The following KLHL22 variants were observed in gnomAD, a reference collection of about 807,000 sequenced individuals.
KLHL22 encodes kelch-like protein 22.
Under a neutral mutation model 60.7 loss-of-function variants are expected in KLHL22, and 18 were observed. That is an observed-to-expected ratio of 0.30 (90% CI 0.20 to 0.44). The LOEUF (loss-of-function observed/expected upper bound fraction) is 0.44, where lower values mean the gene tolerates loss of function less well. Among genes scored for constraint, KLHL22 ranks in the 20% least tolerant of loss-of-function variants. The probability of loss-of-function intolerance (pLI) is 1.00; values close to 1 mark genes in which losing one functional copy is unlikely to be tolerated. For missense variants in KLHL22, 596 were observed against 852.3 expected, an observed-to-expected ratio of 0.70 and a Z score of 3.74; for synonymous variants, 355 against 354.5, an observed-to-expected ratio of 1.00 and a Z score of -0.01.
At chr22:20,458,308 G>A (rs973748863) in intron 4 of KLHL22, among the ~76,000 whole-genome samples, 3 of 136,194 alleles carry the variant, frequency 2.2e-5, no homozygotes, top group Non-Finnish European at 4.6e-5. Flanking sequence ...TGTGGAGAGA[G>A]GTCTCTCTGT....
chr22:20,443,842 G>A (rs2052809287), intron 6 of KLHL22, among the ~76,000 whole-genome samples: 1 of 152,106 alleles, frequency 6.6e-6, no homozygotes. Context: ...GAGGTCAGGA[G>A]TTTGAGACCA....
intron 1 of KLHL22, chr22:20,489,835 AG>A (rs1350705479): frequency 2.1e-6 from 1 of 470,630 alleles, no homozygotes; most frequent in South Asian, 1.6e-5. Context: ...TGGCATTTCC[AG>A]GGCCTACTTT....
rs189052157 is a variant in KLHL22, at chr22:20,476,777, C to T, written c.228-5262G>A. On this transcript the variant is annotated intron_variant, in intron 2 of 6. Transcript: ENST00000328879. ...AGGCTGGAGTGCAATGGCGCAATCT[C>T]GGCTCACTGCAACCTCCGCCTACCA... Among the ~76,000 whole-genome samples, 686 of 147,914 alleles carry T rather than the reference C, an allele frequency of 4.6e-3. 4 individuals carry two copies. Among genetic ancestry groups the T allele is most frequent in the African/African-American group, 0.016 (643 of 39,858 alleles).
chr22:20,447,462 G>A (rs1027291271), intron 5 of KLHL22, among the ~76,000 whole-genome samples: 3 of 152,196 alleles, frequency 2.0e-5, no homozygotes, highest in African/African-American at 7.2e-5. Context: ...AGAGGTGGAC[G>A]GAGCAGTGGG....
intron 4 of KLHL22, among the ~76,000 whole-genome samples, chr22:20,460,749 GAATTA>G (rs2053142124): frequency 6.7e-6 from 1 of 148,972 alleles, no homozygotes; most frequent in East Asian, 2.1e-4. Flanking sequence ...CTTCTTTATT[GAATTA>G]ATTTTCTACT....
At chr22:20,483,596 C>A in intron 2 of KLHL22, 1 of 726,868 alleles carries the variant, frequency 1.4e-6, no homozygotes, top group Non-Finnish European at 2.6e-6. Context: ...ATGGGCAGTT[C>A]TGTCTCATAC....
intron 2 of KLHL22, among the ~76,000 whole-genome samples, chr22:20,487,724 A>C (rs1426471480): frequency 6.6e-6 from 1 of 152,206 alleles, no homozygotes; most frequent in Non-Finnish European, 1.5e-5. Context: ...AAAGGGCTAG[A>C]AATTGCTCCT....
intron 4 of KLHL22, 71 bp downstream of exon 4, chr22:20,464,787 T>A (rs2146216317): frequency 1.1e-6 from 1 of 944,844 alleles, no homozygotes; most frequent in Middle Eastern, 2.2e-4. Context: ...CCTGACCAGC[T>A]CTCTCAGCCC....
rs747345343 is a variant in KLHL22 at position 20,446,467 on chromosome 22, G to A, written c.1515C>T (p.Ala505=). Residue 505 remains alanine (A), a synonymous_variant, in exon 6 of 7, where the codon GCC becomes GCT. Coordinates refer to ENST00000328879, the MANE Select transcript of KLHL22 (RefSeq NM_032775.4). ...LYVIGGSNND[A]GYRRDVHQVA... ...CCTGGTGCACGTCCCTCCTGTATCC[G>A]GCATCGTTGTTGCTGCCCCCGATCA... 5 of 1,610,372 alleles carry A rather than the reference G, an allele frequency of 3.1e-6. No individual in the cohort carries two copies. Among genetic ancestry groups the A allele is most frequent in the African/African-American group, 2.7e-5 (2 of 75,016 alleles).
intron 2 of KLHL22, among the ~76,000 whole-genome samples, chr22:20,480,691 G>A (rs1569142381): frequency 2.0e-5 from 3 of 151,968 alleles, no homozygotes; most frequent in Non-Finnish European, 2.9e-5. Context: ...GATCTGGGTC[G>A]GTGCCTCCTC....
chr22:20,464,217 C>T (rs1032155484), intron 4 of KLHL22, among the ~76,000 whole-genome samples: 4 of 152,136 alleles, frequency 2.6e-5, no homozygotes, highest in African/African-American at 7.2e-5. Flanking sequence ...AAAACTCTCT[C>T]TTGGGAAAAC....
At chr22:20,491,505 G>T (rs2053690166) in intron 1 of KLHL22, 1 of 152,146 alleles carries the variant, frequency 6.6e-6, no homozygotes, top group Non-Finnish European at 1.5e-5. Flanking sequence ...TTTAGAAGTT[G>T]TATGCCAAGA....
At chr22:20,452,579 T>A (rs573130543) in intron 5 of KLHL22, among the ~76,000 whole-genome samples, 90 of 152,312 alleles carry the variant, frequency 5.9e-4, no homozygotes, top group African/African-American at 2.1e-3. Context: ...GGAGACAGCA[T>A]AAAAGAGTGA....
intron 4 of KLHL22, 89 bp downstream of exon 4, chr22:20,464,769 G>A (rs1434282967): frequency 1.3e-6 from 1 of 778,502 alleles, no homozygotes; most frequent in Middle Eastern, 2.4e-4. Flanking sequence ...GTGAAAGGCT[G>A]GGGGGAACCT....
chr22:20,460,043 GACC>G (rs2053126898), intron 4 of KLHL22, among the ~76,000 whole-genome samples: 1 of 152,150 alleles, frequency 6.6e-6, no homozygotes, highest in South Asian at 2.1e-4. Flanking sequence ...TCTGGCAGGG[GACC>G]AGCAGTCCAG....
intron 2 of KLHL22, chr22:20,483,744 G>C: frequency 1.4e-6 from 1 of 736,660 alleles, no homozygotes; most frequent in South Asian, 1.3e-5. Context: ...CTCTGATCTG[G>C]GTCCCTTCTT....
At chr22:20,483,399 CT>C in intron 2 of KLHL22, 1 of 824,804 alleles carries the variant, frequency 1.2e-6, no homozygotes, top group Non-Finnish European at 2.1e-6. Context: ...GGGCATCTAC[CT>C]CCACAGTCAA....
At chr22:20,448,715 T>C (rs1389851281) in intron 5 of KLHL22, among the ~76,000 whole-genome samples, 1 of 151,966 alleles carries the variant, frequency 6.6e-6, no homozygotes, top group Non-Finnish European at 1.5e-5. Context: ...CAGGCACGCA[T>C]CACCATGCCT....
Position 20,465,636 on chromosome 22 carries a change from G to A in KLHL22, c.394-60C>T. On this transcript the variant is annotated intron_variant, in intron 3 of 6. Transcript: ENST00000328879. This position sits in a 1 kb window ranked among gnomAD's most constrained non-coding sequence, Gnocchi z 4.9. ...TGGTGAACAGCATCTGGGGGTGGGA[G>A]AGAGAATGATGGCAGAAATACGGGC... The A allele has an allele frequency of 1.2e-6, 1 of 865,080 alleles. No homozygotes were observed. The highest frequency in any genetic ancestry group is 2.0e-6 in the Non-Finnish European group (1 of 498,484). The allele number at this position is 865,080 out of a possible 1,614,324, so 53.6% of individuals were successfully genotyped here.
Sources: gnomAD v4.1 joint callset for allele counts (sites outside exome capture counted in the v4.1 genomes callset) on GRCh38, gnomAD v4.1.1 for gene constraint, Gnocchi (gnomAD v3.1) non-coding constraint, MANE v1.5 for transcripts, NCBI Gene and HGNC (gene_info 2026-07-23, HGNC 2026-07-21) for gene names.